The following CAPN13 variants were observed in gnomAD, a reference collection of about 807,000 sequenced individuals.
CAPN13 encodes the protein calpain 13.
In CAPN13, 90 loss-of-function variants were observed where a neutral mutation model predicts 98.4. The observed-to-expected ratio is 0.92, with a 90% CI of 0.77 to 1.09. The LOEUF (loss-of-function observed/expected upper bound fraction) is 1.09. Ranked by LOEUF, CAPN13 falls within the 50% of genes least tolerant of loss-of-function variation. The pLI, the probability that CAPN13 is intolerant of heterozygous loss-of-function variation, is 0.00. For synonymous variants in CAPN13, 330 were observed against 305.5 expected (o/e 1.08, Z -0.84); for missense variants, 887 against 841.3 (o/e 1.05, Z -0.67).
intron 1 of CAPN13, chr2:30,806,402 TAACAACAAC>T (rs113414335): frequency 0.33 from 49,499 of 151,442 alleles, 8,372 homozygotes; most frequent in African/African-American, 0.39. Flanking sequence ...ACCTTCAAAA[TAACAACAAC>T]AACAACAACA....
intron 1 of CAPN13, among the ~76,000 whole-genome samples, chr2:30,800,144 G>GAAAGA (rs1558351620): frequency 4.1e-5 from 6 of 147,122 alleles, no homozygotes; most frequent in African/African-American, 1.6e-4. Flanking sequence ...AAGAAAGAAA[G>GAAAGA]AAAGAAAGAA....
chr2:30,787,927 G>A (rs1313353860), intron 1 of CAPN13, among the ~76,000 whole-genome samples: 1 of 152,090 alleles, frequency 6.6e-6, no homozygotes, highest in African/African-American at 2.4e-5. Flanking sequence ...AGCAATCTGG[G>A]GACCAGAGAG....
chr2:30,778,707 G>A (rs374250669), intron 2 of CAPN13, among the ~76,000 whole-genome samples: 39 of 152,266 alleles, frequency 2.6e-4, no homozygotes, highest in South Asian at 8.3e-4. Context: ...AGGTGTGCCC[G>A]CCTGCAAACA....
intron 2 of CAPN13, among the ~76,000 whole-genome samples, chr2:30,779,733 C>A (rs1386791836): frequency 1.3e-5 from 2 of 151,874 alleles, no homozygotes; most frequent in African/African-American, 4.8e-5. Flanking sequence ...CAAAAAGAGC[C>A]TCAAAAATAG....
chr2:30,760,418 T>C (rs552403409), intron 7 of CAPN13, among the ~76,000 whole-genome samples: 87 of 152,218 alleles, frequency 5.7e-4, no homozygotes, highest in Non-Finnish European at 9.9e-4. Context: ...GCCTCACAGA[T>C]ACTCAGGGGC....
intron 20 of CAPN13, among the ~76,000 whole-genome samples, chr2:30,731,733 T>C (rs1558606729): frequency 6.6e-6 from 1 of 152,190 alleles, no homozygotes. Flanking sequence ...GTGATACAAT[T>C]TGGGGACCTT....
At chr2:30,732,627 C>G (rs989151226) in intron 19 of CAPN13, 61 bp from the exon 20 acceptor site, 2 of 1,556,022 alleles carry the variant, frequency 1.3e-6, no homozygotes, top group South Asian at 2.4e-5. Context: ...TCCTCTGCCT[C>G]TCAGGGTCTG....
intron 1 of CAPN13, among the ~76,000 whole-genome samples, chr2:30,804,878 A>G (rs573062306): frequency 6.6e-6 from 1 of 152,334 alleles, no homozygotes; most frequent in South Asian, 2.1e-4. Context: ...CATGGGAGAA[A>G]GAGGTGACAT....
rs563833581 is a variant in CAPN13, at chr2:30,747,809, A to C, written c.1237-2075T>G. Among the ~76,000 whole-genome samples the C allele has an allele frequency of 1.2e-4, 19 of 152,334 alleles. No individual in the cohort carries two copies. The South Asian group carries it at 2.3e-3, about 18-fold the overall frequency. ...GTGTCATTTGAGTTGTCCAGGTCTGAACTGTTCTTTGACATTTAACTCAAT... is the reference window on the plus strand; with the variant it reads ...GTGTCATTTGAGTTGTCCAGGTCTGCACTGTTCTTTGACATTTAACTCAAT... On this transcript the variant is annotated intron_variant, in intron 11 of 22. Coordinates refer to ENST00000295055, the MANE Select transcript of CAPN13 (RefSeq NM_144575.3).
intron 2 of CAPN13, among the ~76,000 whole-genome samples, chr2:30,778,881 G>A (rs564649452): frequency 4.0e-4 from 61 of 152,328 alleles, no homozygotes; most frequent in African/African-American, 1.4e-3. Context: ...CAGAGCCATC[G>A]TGGGCAGAAC....
At chr2:30,763,997 C>T in intron 6 of CAPN13, 135 bp downstream of exon 6, 1 of 851,640 alleles carries the variant, frequency 1.2e-6, no homozygotes, top group Admixed American at 2.6e-5. Context: ...ATGGGGTGAC[C>T]CGGGTAAAGC....
At chr2:30,777,778 G>C (rs954609669) in intron 2 of CAPN13, 139 bp from the exon 3 acceptor site, 2 of 718,294 alleles carry the variant, frequency 2.8e-6, no homozygotes, top group African/African-American at 1.8e-5. Flanking sequence ...AGTTCACCAC[G>C]TTCTTCAGCC....
intron 1 of CAPN13, among the ~76,000 whole-genome samples, chr2:30,791,934 C>G (rs1674627634): frequency 1.3e-5 from 2 of 152,154 alleles, no homozygotes; most frequent in Non-Finnish European, 2.9e-5. Flanking sequence ...AGATAAATCA[C>G]CTAAATTACA....
At position 30,777,573 on chromosome 2, in the gene CAPN13, C is replaced by A. The variant is rs1170315822; in HGVS notation, c.265G>T (p.Gly89Cys). ...GAAGATGTTGCACTCTTACCTGCGC[C>A]TCCTTGTTGGATGTCAAATCTGCTT... ...DISRFDIQQG[G>C]AADCWFLAAL... The change falls in exon 3 of 23, where the codon GGC becomes TGC. Residue 89 changes from glycine (G) to cysteine (C), a missense_variant. Physicochemically the swap from Gly to Cys is radical, Grantham distance 159 (BLOSUM62 -3). Transcript: ENST00000295055. The A allele has an allele frequency of 1.9e-6, 3 of 1,575,566 alleles. No individual in the cohort carries two copies. Among genetic ancestry groups the A allele is most frequent in the Non-Finnish European group, 2.6e-6 (3 of 1,158,944 alleles).
At chr2:30,766,819 G>T (rs1673136694) in intron 5 of CAPN13, among the ~76,000 whole-genome samples, 2 of 152,122 alleles carry the variant, frequency 1.3e-5, no homozygotes, top group Non-Finnish European at 2.9e-5. Context: ...TGACCTCTGG[G>T]GAAAACAAAA....
chr2:30,742,379 T>C lies in CAPN13; in HGVS notation c.1446-20A>G, dbSNP rs764084193. 12 of 1,601,010 alleles carry C rather than the reference T, an allele frequency of 7.5e-6. No individual in the cohort carries two copies. Among genetic ancestry groups the C allele is most frequent in the Non-Finnish European group, 1.0e-5 (12 of 1,173,734 alleles). ...AGGTGCCTAGAAAATCAGAGGACAG[T>C]GTGACAAAGATGACCAGCTCACCAC... On this transcript the variant is annotated intron_variant, in intron 13 of 22. Coordinates refer to ENST00000295055, the MANE Select transcript of CAPN13 (RefSeq NM_144575.3).
intron 12 of CAPN13, 71 bp downstream of exon 12, chr2:30,745,652 T>C (rs1671870457): frequency 7.8e-6 from 12 of 1,533,210 alleles, no homozygotes; most frequent in Admixed American, 1.8e-5. Context: ...GCCATGGGCG[T>C]TGGAAGTGGC....
chr2:30,734,380 T>C (rs982039033), intron 19 of CAPN13, 69 bp downstream of exon 19: 1 of 1,202,442 alleles, frequency 8.3e-7, no homozygotes, highest in Admixed American at 1.8e-5. Flanking sequence ...CCAGCCTTGC[T>C]ACTAGGGGTG....
At chr2:30,767,703 A>G (rs1018741430) in intron 5 of CAPN13, among the ~76,000 whole-genome samples, 3 of 152,204 alleles carry the variant, frequency 2.0e-5, no homozygotes, top group Non-Finnish European at 2.9e-5. Flanking sequence ...GACACTAGAA[A>G]TGAATAAAAA....
Sources: allele counts gnomAD v4.1 joint callset (sites outside exome capture counted in the v4.1 genomes callset), GRCh38; gene constraint gnomAD v4.1.1; transcripts MANE v1.5; gene names NCBI Gene and HGNC (gene_info 2026-07-23, HGNC 2026-07-21).